The following OR4K1 variants were observed in gnomAD, a reference collection of about 807,000 sequenced individuals.
OR4K1 encodes olfactory receptor family 4 subfamily K member 1.
A neutral mutation model predicts 14.4 loss-of-function variants in OR4K1; 16 were observed. The observed-to-expected ratio is 1.11, with a 90% confidence interval of 0.75 to 1.68. The LOEUF is 1.68. Ranked by LOEUF, OR4K1 falls within the 40% of genes most tolerant of loss-of-function variation. The probability of loss-of-function intolerance (pLI) is 0.00; values close to 1 mark genes in which losing one functional copy is unlikely to be tolerated. For synonymous variants in OR4K1, 181 were observed against 133.1 expected (o/e 1.36, Z -2.48); for missense variants, 548 against 376.9 (o/e 1.45, Z -3.76).
the OR4K1 span, among the ~76,000 whole-genome samples, chr14:19,923,764 A>G: frequency 1.3e-5 from 2 of 152,254 alleles, no homozygotes; most frequent in Admixed American, 6.5e-5. Context: ...TAGACACTAT[A>G]TTAATAAATA....
chr14:19,932,033 G>T (rs1882195395), intron 1 of OR4K1, among the ~76,000 whole-genome samples: 1 of 152,190 alleles, frequency 6.6e-6, no homozygotes. Flanking sequence ...AGAAGAAAAT[G>T]AGATATAATG....
chr14:19,930,464 T>C (rs1882161207), upstream of OR4K1, among the ~76,000 whole-genome samples: 1 of 152,228 alleles, frequency 6.6e-6, no homozygotes, highest in South Asian at 2.1e-4. Context: ...AGAAACATAA[T>C]ACTGAAGTGC....
the OR4K1 span, among the ~76,000 whole-genome samples, chr14:19,921,882 C>T: frequency 6.6e-6 from 1 of 152,194 alleles, no homozygotes. Context: ...GAACCTAATT[C>T]TCTGGTGGGC....
the OR4K1 span, chr14:19,920,559 T>G: frequency 7.8e-6 from 12 of 1,535,702 alleles, no homozygotes; most frequent in Non-Finnish European, 9.6e-6. Flanking sequence ...TTCCTTTCTA[T>G]TTATCCTCCT....
the OR4K1 span, among the ~76,000 whole-genome samples, chr14:19,923,567 T>C: frequency 6.6e-6 from 1 of 152,120 alleles, no homozygotes; most frequent in African/African-American, 2.4e-5. Flanking sequence ...TACAAATAAA[T>C]GTTGAAAAAG....
the OR4K1 span, chr14:19,920,888 C>T: frequency 1.2e-6 from 2 of 1,614,204 alleles, no homozygotes; most frequent in Non-Finnish European, 1.7e-6. Context: ...CCATATCTTT[C>T]AGTGGCTGCA....
At chr14:19,929,592 T>C (rs1360451430), upstream of OR4K1, among the ~76,000 whole-genome samples, 8 of 152,206 alleles carry the variant, frequency 5.3e-5, no homozygotes, top group African/African-American at 1.9e-4. Flanking sequence ...ATGGTTATTT[T>C]ATGCAATCAA....
At chr14:19,930,382 A>T (rs1240849985), upstream of OR4K1, among the ~76,000 whole-genome samples, 1 of 152,248 alleles carries the variant, frequency 6.6e-6, no homozygotes, top group Non-Finnish European at 1.5e-5. Context: ...AATATAGTTG[A>T]AAAAGACTGT....
At chr14:19,920,821 G>T in the OR4K1 span, 5 of 1,614,172 alleles carry the variant, frequency 3.1e-6, no homozygotes, top group Non-Finnish European at 4.2e-6. Flanking sequence ...GTTGACATTT[G>T]TCAGGCTTCT....
chr14:19,928,929 G>T (rs1882121320), upstream of OR4K1, among the ~76,000 whole-genome samples: 1 of 151,830 alleles, frequency 6.6e-6, no homozygotes, highest in East Asian at 1.9e-4. Context: ...TTTATAGTTT[G>T]CTTTTTTATT....
the OR4K1 span, among the ~76,000 whole-genome samples, chr14:19,924,621 G>A: frequency 1.3e-5 from 2 of 152,252 alleles, no homozygotes; most frequent in East Asian, 1.9e-4. Flanking sequence ...TTCAATCATC[G>A]TGGAAGACGG....
chr14:19,921,139 T>A, the OR4K1 span: 19 of 1,614,194 alleles, frequency 1.2e-5, no homozygotes, highest in Non-Finnish European at 1.6e-5. Flanking sequence ...GACAGCTTTT[T>A]TTGTGATCTT....
In OR4K1 at chr14:19,930,991, A is replaced by G. The variant is rs1882172268; in HGVS notation, c.-174A>G. 1 of 152,306 alleles carries G rather than the reference A, an allele frequency of 6.6e-6. No individual in the cohort carries two copies. The highest frequency in any genetic ancestry group is 2.1e-4 in the South Asian group (1 of 4,836). 9.4% of individuals were successfully genotyped at this position (152,306 alleles called of 1,614,324 possible). A position where few individuals can be genotyped will look rare whatever the true frequency, so the allele number is the denominator to read the frequency against. Reference sequence around the variant, plus strand: ...GGCTTCCTTCCATACGGCATAGTGTAGGGAACCAAGTTAAAATGCATCAAG... The same window carrying G: ...GGCTTCCTTCCATACGGCATAGTGTGGGGAACCAAGTTAAAATGCATCAAG... On this transcript the variant is annotated 5_prime_UTR_variant, in exon 1 of 2. Coordinates refer to ENST00000641172, the MANE Select transcript of OR4K1 (RefSeq NM_001004063.3).
At chr14:19,922,637 T>C in the OR4K1 span, among the ~76,000 whole-genome samples, 2 of 146,182 alleles carry the variant, frequency 1.4e-5, no homozygotes, top group African/African-American at 2.5e-5. Flanking sequence ...TCAGATTTAA[T>C]CAGTTTTTAC....
At chr14:19,929,487 G>A (rs1264990071), upstream of OR4K1, among the ~76,000 whole-genome samples, 1 of 150,032 alleles carries the variant, frequency 6.7e-6, no homozygotes, top group East Asian at 2.0e-4. Flanking sequence ...TATTTTTTTT[G>A]GTAAAGTTAC....
chr14:19,935,763 A>C lies in OR4K1; in HGVS notation c.97A>C (p.Ile33Leu), dbSNP rs1473934168. 6 of 1,614,000 alleles carry C rather than the reference A, an allele frequency of 3.7e-6. No homozygotes were observed. In the African/African-American group the frequency reaches 4.0e-5, roughly 11 times the overall value. ...ACTTTTCTTTTTTGCCATCTTCTCT[A>C]TAGTCTATGTGACATCAGTGCTAGG... ...LQLFFFAIFS[I>L]VYVTSVLGNV... is the part of the protein sequence containing the mutation. The change falls in exon 2 of 2, where the codon ATA becomes CTA. Residue 33 changes from isoleucine to leucine, a missense_variant. Ile to Leu is a conservative substitution (Grantham distance 5). Transcript: ENST00000641172.
At chr14:19,930,603 T>C (rs1421329740), upstream of OR4K1, among the ~76,000 whole-genome samples, 1 of 152,232 alleles carries the variant, frequency 6.6e-6, no homozygotes, top group Non-Finnish European at 1.5e-5. Flanking sequence ...TTTAAGATTG[T>C]GTGATTGTTT....
Position 19,936,360 on chromosome 14 carries a change from G to A in OR4K1, c.694G>A (p.Gly232Arg), listed in dbSNP as rs756818611. ...CGGTGTCCGATGCAGGTCCTCCAGT[G>A]GGTCATCTAAGGCTCTTTCTACATT... Reference protein sequence around the residue: ...LIGVRCRSSSGSSKALSTLTA... With the variant: ...LIGVRCRSSSRSSKALSTLTA... Residue 232 changes from glycine (G) to arginine (R), a missense_variant, in exon 2 of 2, where the codon GGG becomes AGG. Physicochemically the swap from Gly to Arg is moderately radical, Grantham distance 125. Coordinates refer to ENST00000641172, the MANE Select transcript of OR4K1 (RefSeq NM_001004063.3). 2 of 1,614,222 alleles carry A rather than the reference G, an allele frequency of 1.2e-6. No homozygotes were observed. Among genetic ancestry groups the A allele is most frequent in the Non-Finnish European group, 1.7e-6 (2 of 1,180,044 alleles).
At chr14:19,920,706 T>C in the OR4K1 span, 2 of 1,614,166 alleles carry the variant, frequency 1.2e-6, no homozygotes, top group South Asian at 2.2e-5. Context: ...CTTCTCTGTG[T>C]TGTATACAGT....
Sources: gnomAD v4.1 joint callset for allele counts (sites outside exome capture counted in the v4.1 genomes callset) on GRCh38, gnomAD v4.1.1 for gene constraint, MANE v1.5 for transcripts, NCBI Gene and HGNC (gene_info 2026-07-23, HGNC 2026-07-21) for gene names.